The following TENM1 variants were observed in gnomAD, a reference collection of about 807,000 sequenced individuals.
TENM1 encodes the protein teneurin-1.
Under a neutral mutation model 174.8 loss-of-function variants are expected in TENM1, and 35 were observed. That is an observed-to-expected ratio of 0.20 (90% confidence interval 0.15 to 0.27). The LOEUF (loss-of-function observed/expected upper bound fraction) is 0.27. TENM1 is among the 10% of genes least tolerant of loss of function. The pLI is 1.00. For synonymous variants in TENM1, 781 were observed against 798.7 expected (o/e 0.98, Z 0.37); for missense variants, 1,633 against 2,130.1 (o/e 0.77, Z 4.59).
chrX:125,115,154 A>G, the TENM1 span, among the ~76,000 whole-genome samples: 2 of 111,832 alleles, frequency 1.8e-5, no homozygotes, highest in Non-Finnish European at 3.8e-5. Context: ...TGATTATCTC[A>G]ATAGATCCAG....
chrX:125,059,206 T>C, the TENM1 span, among the ~76,000 whole-genome samples: 2 of 111,166 alleles, frequency 1.8e-5, no homozygotes, highest in African/African-American at 6.5e-5. Flanking sequence ...TAACACCCCA[T>C]TCTCTTACTG....
chrX:124,460,372 T>C (rs763278603), intron 22 of TENM1, among the ~76,000 whole-genome samples: 1 of 111,823 alleles, frequency 8.9e-6, no homozygotes, highest in Non-Finnish European at 1.9e-5. Context: ...ATGTGGTACA[T>C]ATACACCATG....
chrX:124,531,955 C>G (rs2048117348), intron 15 of TENM1, among the ~76,000 whole-genome samples: 1 of 110,529 alleles, frequency 9.0e-6, no homozygotes, highest in Non-Finnish European at 1.9e-5. Context: ...TGGAAACAAG[C>G]TGAGAAAATC....
chrX:124,452,115 T>A (rs1458152070), intron 23 of TENM1, among the ~76,000 whole-genome samples: 2 of 112,371 alleles, frequency 1.8e-5, no homozygotes, highest in Non-Finnish European at 3.8e-5. Flanking sequence ...ATTTTTGCTA[T>A]CTACTCATCT....
intron 6 of TENM1, among the ~76,000 whole-genome samples, chrX:124,657,936 T>A (rs1228855350): frequency 8.9e-6 from 1 of 112,310 alleles, no homozygotes; most frequent in Non-Finnish European, 1.9e-5. Context: ...TTAAAAGATA[T>A]TGGTGTGTTT....
At chrX:124,622,329 C>T (rs1861086470) in intron 11 of TENM1, among the ~76,000 whole-genome samples, 1 of 111,893 alleles carries the variant, frequency 8.9e-6, no homozygotes, top group African/African-American at 3.2e-5. Flanking sequence ...TGACCATTTC[C>T]TCCAGTCTAG....
At chrX:124,826,496 G>T (rs1294747637) in intron 3 of TENM1, among the ~76,000 whole-genome samples, 1 of 110,810 alleles carries the variant, frequency 9.0e-6, no homozygotes, top group Non-Finnish European at 1.9e-5. Context: ...TAAATTATGA[G>T]CCATAATAGA....
At chrX:124,434,969 C>A (rs2060821007) in intron 23 of TENM1, among the ~76,000 whole-genome samples, 2 of 111,751 alleles carry the variant, frequency 1.8e-5, no homozygotes, top group African/African-American at 6.5e-5. Flanking sequence ...TTTAATTTTA[C>A]ATGAATTCAT....
intron 11 of TENM1, among the ~76,000 whole-genome samples, chrX:124,630,358 C>T (rs778896714): frequency 2.0e-4 from 22 of 111,991 alleles, no homozygotes; most frequent in African/African-American, 7.1e-4. Context: ...CCTGAAATGT[C>T]TTTTGAGCAA....
intron 4 of TENM1, among the ~76,000 whole-genome samples, chrX:124,715,412 T>G (rs1406363178): frequency 1.8e-5 from 2 of 110,957 alleles, no homozygotes; most frequent in Non-Finnish European, 3.8e-5. Context: ...AACTCTTCAT[T>G]TTGTAAAGAA....
chrX:125,043,173 TTAAAC>T, the TENM1 span, among the ~76,000 whole-genome samples: 1 of 94,960 alleles, frequency 1.1e-5, no homozygotes, highest in Non-Finnish European at 2.1e-5. Context: ...TGGGATCTAA[TTAAAC>T]TAAAGAGCTT....
chrX:124,596,745 T>A (rs936770298), intron 11 of TENM1, among the ~76,000 whole-genome samples: 1 of 111,548 alleles, frequency 9.0e-6, no homozygotes, highest in African/African-American at 3.3e-5. Context: ...AATTCAGGCC[T>A]TTGTAGGCCT....
intron 3 of TENM1, among the ~76,000 whole-genome samples, chrX:124,788,830 T>C (rs1423808563): frequency 8.9e-6 from 1 of 111,942 alleles, no homozygotes; most frequent in Non-Finnish European, 1.9e-5. Context: ...TCCAGGTGCA[T>C]GATACAAGCT....
At chrX:124,844,228 A>G (rs1276081526) in intron 3 of TENM1, among the ~76,000 whole-genome samples, 4 of 112,358 alleles carry the variant, frequency 3.6e-5, no homozygotes, top group African/African-American at 1.3e-4. Flanking sequence ...TTTCAAGGGC[A>G]TAAAAATAAG....
At chrX:124,461,486 A>T (rs1197452739) in intron 22 of TENM1, among the ~76,000 whole-genome samples, 1 of 112,095 alleles carries the variant, frequency 8.9e-6, no homozygotes, top group Non-Finnish European at 1.9e-5. Flanking sequence ...CAGCCAAAAT[A>T]TGGAATCAAC....
chrX:124,460,482 A>G (rs1243239701), intron 22 of TENM1, among the ~76,000 whole-genome samples: 1 of 111,378 alleles, frequency 9.0e-6, no homozygotes, highest in Non-Finnish European at 1.9e-5. Context: ...ACAGGAACAG[A>G]AAACCAAATA....
chrX:124,624,534 C>T (rs763145538), intron 11 of TENM1, among the ~76,000 whole-genome samples: 1 of 112,039 alleles, frequency 8.9e-6, no homozygotes, highest in African/African-American at 3.2e-5. Flanking sequence ...AGAGGTTTTA[C>T]ACATATTACA....
the TENM1 span, among the ~76,000 whole-genome samples, chrX:125,185,579 C>T: frequency 2.7e-5 from 3 of 112,550 alleles, no homozygotes; most frequent in African/African-American, 9.7e-5. Flanking sequence ...ACATTCCATT[C>T]TTTTCACATT....
In TENM1 at chrX:124,605,243, T is replaced by C. The variant is rs181038328; in HGVS notation, c.2077+36548A>G. On this transcript the variant is annotated intron_variant, in intron 11 of 31. Transcript: ENST00000422452. ...TGGGCTTTTCTTTCAGTAAAGAAAA[T>C]AAAAGGAGTGAGTTTTACTACTTTT... Among the ~76,000 whole-genome samples the C allele has an allele frequency of 2.9e-5, 3 of 101,775 alleles. 1 individual carries two copies. Among genetic ancestry groups the C allele is most frequent in the African/African-American group, 1.1e-4 (3 of 27,854 alleles). 88.4% of individuals were successfully genotyped at this position (101,775 alleles called of 115,157 possible). A position where few individuals can be genotyped will look rare whatever the true frequency, so the allele number is the denominator to read the frequency against.
Sources: allele counts gnomAD v4.1 joint callset (sites outside exome capture counted in the v4.1 genomes callset), GRCh38; gene constraint gnomAD v4.1.1; transcripts MANE v1.5; gene names NCBI Gene and HGNC (gene_info 2026-07-23, HGNC 2026-07-21).